The following CTSE variants were observed in gnomAD, a reference collection of about 807,000 sequenced individuals.
CTSE encodes the protein cathepsin E, also known as erythrocyte membrane aspartic proteinase.
In CTSE, 43 loss-of-function variants were observed where a neutral mutation model predicts 42.8. The observed-to-expected ratio is 1.01, with a 90% CI of 0.79 to 1.30. The LOEUF is 1.30. Among genes scored for constraint, CTSE ranks in the 50% most tolerant of loss-of-function variants. CTSE has a pLI of 0.00. For missense variants in CTSE, 532 were observed against 493.5 expected, an observed-to-expected ratio of 1.08 and a Z score of -0.74; for synonymous variants, 205 against 191.5, an observed-to-expected ratio of 1.07 and a Z score of -0.58.
chr1:206,012,746 A>G lies in CTSE; in HGVS notation c.786-97T>C, dbSNP rs782476075. ...CCTCTCAAATGCCTGGAGCACATCA[A>G]TGATTTCCACCCACCATATGAGTGT... On this transcript the variant is annotated intron_variant, in intron 6 of 8. Coordinates refer to ENST00000358184, the MANE Select transcript of CTSE (RefSeq NM_001910.4). 27 of 1,355,968 alleles carry G rather than the reference A, an allele frequency of 2.0e-5. No individual in the cohort carries two copies. In the East Asian group the frequency reaches 6.0e-4, roughly 30 times the overall value. 84.0% of individuals were successfully genotyped at this position (1,355,968 alleles called of 1,614,324 possible).
chr1:206,021,250 G>T, intron 3 of CTSE, 83 bp from the exon 4 acceptor site: 1 of 1,086,568 alleles, frequency 9.2e-7, no homozygotes, highest in Non-Finnish European at 1.4e-6. Context: ...CCCCACAGCG[G>T]CAGGGTCTCT....
chr1:206,023,113 C>CA, intron 1 of CTSE, 56 bp from the exon 2 acceptor site: 2 of 1,366,408 alleles, frequency 1.5e-6, no homozygotes, highest in Admixed American at 3.8e-5. Flanking sequence ...CTCTTCCCCC[C>CA]ATTCTCGTCC....
At chr1:206,018,408 C>A (rs1449173653) in intron 4 of CTSE, among the ~76,000 whole-genome samples, 2 of 151,828 alleles carry the variant, frequency 1.3e-5, no homozygotes, top group Non-Finnish European at 2.9e-5. Context: ...ATGTCCTTTT[C>A]AAGTTTCATT....
At position 206,010,771 on chromosome 1, in the gene CTSE, C is replaced by T. The variant is rs149381545; in HGVS notation, c.1027-424G>A. ...AGTTTTTGTTAAGGGAGAGAAAGAA[C>T]TGTGTTAGTGGCTATCCACTGCTAT... On this transcript the variant is annotated intron_variant, in intron 8 of 8. Transcript: ENST00000358184. Among the ~76,000 whole-genome samples the T allele has an allele frequency of 9.7e-4, 148 of 152,198 alleles. 2 individuals carry two copies. The highest frequency in any genetic ancestry group is 1.5e-3 in the Non-Finnish European group (103 of 67,990).
chr1:206,020,218 G>A (rs797032729), intron 4 of CTSE, among the ~76,000 whole-genome samples: 1 of 149,658 alleles, frequency 6.7e-6, no homozygotes, highest in African/African-American at 2.4e-5. Flanking sequence ...GTATACACAC[G>A]CATACATAGT....
intron 8 of CTSE, 114 bp from the exon 9 acceptor site, chr1:206,010,461 G>A: frequency 1.1e-6 from 1 of 875,848 alleles, no homozygotes; most frequent in Non-Finnish European, 1.9e-6. Context: ...TGGACAGCTG[G>A]TGGGTTCCAC....
At chr1:206,020,688 T>G (rs1661391752) in intron 4 of CTSE, among the ~76,000 whole-genome samples, 1 of 152,030 alleles carries the variant, frequency 6.6e-6, no homozygotes, top group Non-Finnish European at 1.5e-5. Context: ...CTTATGTTAC[T>G]GAGTCCAAAT....
rs782194060 is a variant in CTSE at position 206,015,962 on chromosome 1, C to A, written c.631G>T (p.Asp211Tyr). 6.2e-7 allele frequency: 1 copy of A among 1,613,904 alleles called. No individual in the cohort carries two copies. Among genetic ancestry groups the A allele is most frequent in the Non-Finnish European group, 8.5e-7 (1 of 1,179,888 alleles). Residue 211 changes from aspartate to tyrosine, a missense_variant, in exon 5 of 9, where the codon GAC becomes TAC. Asp to Tyr is a radical substitution (Grantham distance 160). Transcript: ENST00000358184. ...FDNMMAQNLV[D>Y]LPMFSVYMSS... ...ATGTAGACAGAAAACATCGGCAAGT[C>A]CACCAGGTTCTGAGCCATCATGTTG...
chr1:206,010,307 T>G lies in CTSE; in HGVS notation c.1067A>C (p.Gln356Pro). 1 of 1,613,788 alleles carries G rather than the reference T, an allele frequency of 6.2e-7. No homozygotes were observed. The highest frequency in any genetic ancestry group is 8.5e-7 in the Non-Finnish European group (1 of 1,179,834). The change falls in exon 9 of 9, where the codon CAA becomes CCA. Residue 356 changes from glutamine (Q) to proline (P), a missense_variant. Transcript: ENST00000358184. ...AGCTGGAGGGTGGATGTCAAGTCCT[T>G]GAAAGCCACTGCTGCAGAACTGCAT... ...DGMQFCSSGFQGLDIHPPAGP... is the reference protein window; with the variant it reads ...DGMQFCSSGFPGLDIHPPAGP...
chr1:206,023,708 GGGGACGTCTTCTCACCTGTGAA>G lies in CTSE; in HGVS notation c.62_68+15del. ...GGGACTACCCAGCTGAACACAGTGCGGGGACGTCTTCTCACCTGTGAAGGGATCCTTGGGCCTCTCCCAGCTC... is the reference window on the plus strand; with the variant it reads ...GGGACTACCCAGCTGAACACAGTGCGGGGATCCTTGGGCCTCTCCCAGCTC... On this transcript the variant is annotated splice_donor_variant and splice_donor_5th_base_variant and coding_sequence_variant and intron_variant, in exon 1 of 9. Coordinates refer to ENST00000358184, the MANE Select transcript of CTSE (RefSeq NM_001910.4). LOFTEE classifies it high-confidence loss of function. 1 of 1,611,638 alleles carries G rather than the reference GGGGACGTCTTCTCACCTGTGAA, an allele frequency of 6.2e-7. No individual in the cohort carries two copies. The highest frequency in any genetic ancestry group is 8.5e-7 in the Non-Finnish European group (1 of 1,177,922).
At chr1:206,022,772 T>C (rs1661477352) in intron 2 of CTSE, 129 bp downstream of exon 2, 10 of 929,464 alleles carry the variant, frequency 1.1e-5, no homozygotes, top group Admixed American at 3.0e-5. Context: ...TCAGTCCCCA[T>C]GGATCATCAT....
chr1:206,009,622 G>A lies in CTSE; in HGVS notation c.*561C>T, dbSNP rs1368827476. 1 of 154,520 alleles carries A rather than the reference G, an allele frequency of 6.5e-6. No homozygotes were observed. The highest frequency in any genetic ancestry group is 2.4e-5 in the African/African-American group (1 of 41,442). 9.6% of individuals were successfully genotyped at this position (154,520 alleles called of 1,614,324 possible). Reference sequence around the variant, plus strand: ...TACAAACAATCCAACTACAAAAACAGCCAAACATTTGTGGGACAATGGGAG... The same window carrying A: ...TACAAACAATCCAACTACAAAAACAACCAAACATTTGTGGGACAATGGGAG... On this transcript the variant is annotated 3_prime_UTR_variant, in exon 9 of 9. Coordinates refer to ENST00000358184, the MANE Select transcript of CTSE (RefSeq NM_001910.4).
rs541362787 is a variant in CTSE at position 206,020,642 on chromosome 1, C to T, written c.462+407G>A. 4.6e-5 allele frequency among the ~76,000 whole-genome samples: 7 copies of T among 152,194 alleles called. No individual in the cohort carries two copies. In the South Asian group the frequency reaches 1.5e-3, roughly 32 times the overall value. On this transcript the variant is annotated intron_variant, in intron 4 of 8. Transcript: ENST00000358184. ...TTTGGACAACTGGGCTTCTGCCTTG[C>T]CTCTGTGATTGGACTCCCATTTCAG... is the stretch of plus-strand genomic sequence containing the variant.
Position 206,021,060 on chromosome 1 carries a change from C to T in CTSE, c.451G>A (p.Asp151Asn), listed in dbSNP as rs376548326. 357 of 1,608,642 alleles carry T rather than the reference C, an allele frequency of 2.2e-4. 1 individual carries two copies. Among genetic ancestry groups the T allele is most frequent in the Middle Eastern group, 4.9e-4 (3 of 6,070 alleles). ...TGSLSGIIGA[D>N]QVSVEGLTVV... ...GGACTTGCACTCACAGAGACTTGGT[C>T]GGCTCCAATGATCCCGGACAAGCTC... The change falls in exon 4 of 9, where the codon GAC (aspartate) becomes AAC (asparagine). Residue 151 changes from aspartate (D) to asparagine (N), a missense_variant. Physicochemically the swap from Asp to Asn is conservative, Grantham distance 23. Coordinates refer to ENST00000358184, the MANE Select transcript of CTSE (RefSeq NM_001910.4).
chr1:206,017,099 TCTTTTA>T (rs1661284163), intron 4 of CTSE, among the ~76,000 whole-genome samples: 1 of 152,270 alleles, frequency 6.6e-6, no homozygotes, highest in East Asian at 1.9e-4. Context: ...TTTATGCAAG[TCTTTTA>T]CTTTTATTTA....
chr1:206,015,914 G>C lies in CTSE; in HGVS notation c.662+17C>G. The C allele has an allele frequency of 6.2e-7, 1 of 1,611,398 alleles. No homozygotes were observed. The highest frequency in any genetic ancestry group is 8.5e-7 in the Non-Finnish European group (1 of 1,177,812). The stretch of plus-strand genomic sequence containing the variant: ...AGTTATAACTGACTTTAACCTCACA[G>C]ACTTGATGGGCCTTACCTGCTCATG... On this transcript the variant is annotated intron_variant, in intron 5 of 8. Coordinates refer to ENST00000358184, the MANE Select transcript of CTSE (RefSeq NM_001910.4).
At chr1:206,014,299 G>C (rs1661204826) in intron 5 of CTSE, among the ~76,000 whole-genome samples, 1 of 151,934 alleles carries the variant, frequency 6.6e-6, no homozygotes, top group Non-Finnish European at 1.5e-5. Context: ...TGGCGTTTTT[G>C]TGTTATTCAC....
intron 6 of CTSE, 150 bp downstream of exon 6, chr1:206,013,622 C>A: frequency 1.3e-5 from 12 of 954,460 alleles, no homozygotes; most frequent in East Asian, 5.0e-5. Context: ...TCCCTTCCTG[C>A]ACACTTGCTC....
Position 206,023,746 on chromosome 1 carries a change from C to G in CTSE, c.46G>C (p.Glu16Gln). The change falls in exon 1 of 9, where the codon GAG becomes CAG. Residue 16 changes from glutamate to glutamine, a missense_variant. Glu to Gln is a conservative substitution (Grantham distance 29). Transcript: ENST00000358184. ...LLLLVLLELGEAQGSLHRVPL... is the reference protein window; with the variant it reads ...LLLLVLLELGQAQGSLHRVPL... The stretch of plus-strand genomic sequence containing the variant: ...CACCTGTGAAGGGATCCTTGGGCCT[C>G]TCCCAGCTCCAGGAGCACCAGCAGC... The G allele has an allele frequency of 6.2e-7, 1 of 1,613,774 alleles. No homozygotes were observed.
Sources: gnomAD v4.1 joint callset for allele counts (sites outside exome capture counted in the v4.1 genomes callset) on GRCh38, gnomAD v4.1.1 for gene constraint, MANE v1.5 for transcripts, NCBI Gene and HGNC (gene_info 2026-07-23, HGNC 2026-07-21) for gene names.